The following ARHGAP26 variants were observed in gnomAD, a reference collection of about 807,000 sequenced individuals.
ARHGAP26 encodes the protein Rho GTPase activating protein 26.
ARHGAP26 carries 38 observed loss-of-function variants against 104.8 expected under a neutral mutation model. The observed-to-expected ratio is 0.36, with a 90% CI of 0.28 to 0.48. The LOEUF is 0.48. Ranked by LOEUF, ARHGAP26 falls within the 20% of genes least tolerant of loss-of-function variation. The pLI is 0.99. For synonymous variants in ARHGAP26, 341 were observed against 340.0 expected (o/e 1.00, Z -0.03); for missense variants, 704 against 947.9 (o/e 0.74, Z 3.38).
intron 19 of ARHGAP26, among the ~76,000 whole-genome samples, chr5:143,146,587 A>G (rs1159375089): frequency 1.3e-5 from 2 of 152,220 alleles, no homozygotes; most frequent in Admixed American, 1.3e-4. Context: ...TGTTGTTTAT[A>G]GGCAAACCAT....
intron 1 of ARHGAP26, chr5:142,859,509 A>G (rs1163132336): frequency 6.6e-6 from 1 of 152,194 alleles, no homozygotes; most frequent in Non-Finnish European, 1.5e-5. Context: ...AATTATTAGT[A>G]TGAACTCTTC....
At chr5:142,789,155 T>C (rs1334197484) in intron 1 of ARHGAP26, among the ~76,000 whole-genome samples, 2 of 152,200 alleles carry the variant, frequency 1.3e-5, no homozygotes, top group African/African-American at 4.8e-5. Context: ...CTTGGGAGCA[T>C]TGGAAGAGTT....
chr5:143,194,784 CAGTCAAGTCAA>C (rs1806528863), intron 20 of ARHGAP26, among the ~76,000 whole-genome samples: 1 of 152,080 alleles, frequency 6.6e-6, no homozygotes, highest in African/African-American at 2.4e-5. Context: ...AAGTTTTTTC[CAGTCAAGTCAA>C]TAAGCTCCTC....
chr5:143,125,232 G>A (rs1796593353), intron 18 of ARHGAP26, among the ~76,000 whole-genome samples: 1 of 152,098 alleles, frequency 6.6e-6, no homozygotes, highest in Non-Finnish European at 1.5e-5. Context: ...TTCTCTCTTT[G>A]CCTACCTGTC....
intron 18 of ARHGAP26, among the ~76,000 whole-genome samples, chr5:143,130,754 A>G (rs773205277): frequency 6.6e-6 from 1 of 152,204 alleles, no homozygotes; most frequent in East Asian, 1.9e-4. Context: ...AACAATTTGC[A>G]TGTGTTCAAG....
chr5:143,117,000 A>G (rs995394688), intron 17 of ARHGAP26, among the ~76,000 whole-genome samples: 12 of 152,238 alleles, frequency 7.9e-5, no homozygotes, highest in Admixed American at 5.2e-4. Flanking sequence ...GTTTCTCTGC[A>G]GCAGCCAAAG....
chr5:143,081,508 C>T (rs1287604697), intron 17 of ARHGAP26, among the ~76,000 whole-genome samples: 1 of 152,174 alleles, frequency 6.6e-6, no homozygotes, highest in Admixed American at 6.5e-5. Context: ...GTCCTGGAGT[C>T]AAACAGACCT....
chr5:143,133,787 A>C (rs763249227), intron 18 of ARHGAP26, among the ~76,000 whole-genome samples, 180 bp from the exon 19 acceptor site: 49 of 152,206 alleles, frequency 3.2e-4, no homozygotes, highest in Admixed American at 2.6e-3. Context: ...CCAAACAAGA[A>C]TGTTTAATGC....
chr5:142,921,146 A>G (rs908325413), intron 10 of ARHGAP26, among the ~76,000 whole-genome samples: 1 of 152,224 alleles, frequency 6.6e-6, no homozygotes, highest in Non-Finnish European at 1.5e-5. Context: ...GTCCCAACCT[A>G]GCATTTCACA....
chr5:142,798,054 A>ATT (rs1219961756), intron 1 of ARHGAP26, among the ~76,000 whole-genome samples: 1 of 152,180 alleles, frequency 6.6e-6, no homozygotes, highest in African/African-American at 2.4e-5. Context: ...GGCTACTAGC[A>ATT]TTTGCCAGGT....
intron 4 of ARHGAP26, among the ~76,000 whole-genome samples, chr5:142,883,552 C>T (rs1419493077): frequency 2.0e-5 from 3 of 152,250 alleles, no homozygotes; most frequent in African/African-American, 7.2e-5. Context: ...TCTGCCCACT[C>T]TGTGAGCATG....
chr5:143,123,035 G>A lies in ARHGAP26; in HGVS notation c.1698+1888G>A, dbSNP rs376382957. Among the ~76,000 whole-genome samples, 21 of 152,320 alleles carry A rather than the reference G, an allele frequency of 1.4e-4. No homozygotes were observed. The East Asian group carries it at 2.5e-3, about 18-fold the overall frequency. On this transcript the variant is annotated intron_variant, in intron 18 of 22. Coordinates refer to ENST00000645722, the MANE Select transcript of ARHGAP26 (RefSeq NM_001135608.3). ...TGCTTCAGGAAAGCAGGGACGTTGT[G>A]TTTTGTTCCTCAGTAGGCACTAGTA...
chr5:142,974,287 C>T (rs984611262), intron 11 of ARHGAP26, among the ~76,000 whole-genome samples: 6 of 151,244 alleles, frequency 4.0e-5, no homozygotes, highest in Admixed American at 1.3e-4. Flanking sequence ...TACCTGGTTA[C>T]GATGGCTGAA....
At chr5:143,083,846 A>G (rs185079329) in intron 17 of ARHGAP26, among the ~76,000 whole-genome samples, 3 of 152,228 alleles carry the variant, frequency 2.0e-5, no homozygotes. Flanking sequence ...CTCCCATCTT[A>G]TATCTCAGAC....
intron 1 of ARHGAP26, among the ~76,000 whole-genome samples, chr5:142,810,640 AG>A (rs1763892060): frequency 6.6e-6 from 1 of 152,232 alleles, no homozygotes. Flanking sequence ...CAGAGAACTT[AG>A]GAAGTTCCAG....
At chr5:143,041,050 TAC>T (rs2150145574) in intron 13 of ARHGAP26, among the ~76,000 whole-genome samples, 1 of 152,320 alleles carries the variant, frequency 6.6e-6, no homozygotes, top group African/African-American at 2.4e-5. Flanking sequence ...GGAGCTCTAT[TAC>T]TTGAGAGGGG....
At chr5:142,953,294 G>A (rs1768684553) in intron 11 of ARHGAP26, among the ~76,000 whole-genome samples, 3 of 152,208 alleles carry the variant, frequency 2.0e-5, no homozygotes, top group Admixed American at 2.0e-4. Context: ...TATAGGTGCT[G>A]AGAGAGTCAA....
At chr5:142,915,237 A>G (rs1046685368) in intron 10 of ARHGAP26, among the ~76,000 whole-genome samples, 1 of 151,956 alleles carries the variant, frequency 6.6e-6, no homozygotes, top group African/African-American at 2.4e-5. Flanking sequence ...AATGTGTCAC[A>G]TTCAGCATAC....
chr5:143,190,815 A>G (rs73796985), intron 20 of ARHGAP26, among the ~76,000 whole-genome samples: 3,654 of 152,326 alleles, frequency 0.024, 149 homozygotes, highest in African/African-American at 0.082. Context: ...TTACTACTCA[A>G]TAAGAACATG....
Sources: gnomAD v4.1 joint callset for allele counts (sites outside exome capture counted in the v4.1 genomes callset) on GRCh38, gnomAD v4.1.1 for gene constraint, MANE v1.5 for transcripts, NCBI Gene and HGNC (gene_info 2026-07-23, HGNC 2026-07-21) for gene names.